The following RAPGEF2 variants were observed in gnomAD, a reference collection of about 807,000 sequenced individuals.
RAPGEF2 encodes PDZ domain containing guanine nucleotide exchange factor (GEF) 1.
Under a neutral mutation model 186.7 loss-of-function variants are expected in RAPGEF2, and 54 were observed. The observed-to-expected ratio is 0.29, with a 90% CI of 0.23 to 0.36. The LOEUF (loss-of-function observed/expected upper bound fraction) is 0.36. Among genes scored for constraint, RAPGEF2 ranks in the 10% least tolerant of loss-of-function variants. The pLI, the probability that RAPGEF2 is intolerant of heterozygous loss-of-function variation, is 1.00. For missense variants in RAPGEF2, 1,532 were observed against 2,045.0 expected (o/e 0.75, Z 4.84); for synonymous variants, 712 against 705.9 (o/e 1.01, Z -0.14).
intron 7 of RAPGEF2, among the ~76,000 whole-genome samples, chr4:159,286,030 A>AACCACCACCACCACCACC (rs35426817): frequency 2.7e-4 from 24 of 89,302 alleles, no homozygotes; most frequent in South Asian, 5.3e-4. Flanking sequence ...TGTTCCCCCC[A>AACCACCACCACCACCACC]ACCACCACCA....
At chr4:159,339,393 C>T in intron 19 of RAPGEF2, 39 bp downstream of exon 19, 1 of 1,584,690 alleles carries the variant, frequency 6.3e-7, no homozygotes, top group Non-Finnish European at 8.6e-7. Context: ...TTTGTCCCCT[C>T]TTCGAACCCA....
intron 7 of RAPGEF2, among the ~76,000 whole-genome samples, chr4:159,279,198 C>T (rs73859115): frequency 0.019 from 2,906 of 152,282 alleles, 111 homozygotes; most frequent in African/African-American, 0.066. Context: ...GCTGCCTCCA[C>T]ATACTAAAGA....
At chr4:159,248,451 A>G (rs1192434889) in intron 7 of RAPGEF2, among the ~76,000 whole-genome samples, 1 of 152,162 alleles carries the variant, frequency 6.6e-6, no homozygotes, top group African/African-American at 2.4e-5. Flanking sequence ...TTTCACGCCC[A>G]TTATCGGCAG....
intron 1 of RAPGEF2, among the ~76,000 whole-genome samples, chr4:159,159,744 A>G (rs1241380335): frequency 6.6e-6 from 1 of 152,216 alleles, no homozygotes; most frequent in Non-Finnish European, 1.5e-5. Context: ...TGACCTCTTC[A>G]TTAGAAATGT....
intron 3 of RAPGEF2, among the ~76,000 whole-genome samples, chr4:159,197,340 C>T (rs539403839): frequency 2.6e-5 from 4 of 152,182 alleles, no homozygotes; most frequent in African/African-American, 7.2e-5. Flanking sequence ...TGAAGTGAAA[C>T]GGAAATACTG....
intron 17 of RAPGEF2, among the ~76,000 whole-genome samples, chr4:159,337,157 T>C (rs1767545117): frequency 1.3e-5 from 2 of 152,246 alleles, no homozygotes; most frequent in Admixed American, 1.3e-4. Context: ...CTTAAATGTG[T>C]AGCTAGAAAT....
chr4:159,277,923 AGTTTAATTAGATCCCATTT>A (rs1216557092), intron 7 of RAPGEF2, among the ~76,000 whole-genome samples: 2 of 152,182 alleles, frequency 1.3e-5, no homozygotes, highest in Admixed American at 6.5e-5. Flanking sequence ...GAAGCTCGTT[AGTTTAATTAGATCCCATTT>A]GTTTAATTAG....
chr4:159,295,570 G>C (rs990850674), intron 7 of RAPGEF2, among the ~76,000 whole-genome samples: 1 of 152,066 alleles, frequency 6.6e-6, no homozygotes, highest in African/African-American at 2.4e-5. Context: ...CAGTTCGATT[G>C]TACCATTTGA....
At chr4:159,325,225 A>G (rs1390887104) in intron 11 of RAPGEF2, among the ~76,000 whole-genome samples, 1 of 152,194 alleles carries the variant, frequency 6.6e-6, no homozygotes, top group Non-Finnish European at 1.5e-5. Flanking sequence ...TAAATATGTA[A>G]TGCCAGAAAC....
intron 4 of RAPGEF2, among the ~76,000 whole-genome samples, chr4:159,222,189 G>C (rs1751610465): frequency 6.6e-6 from 1 of 152,066 alleles, no homozygotes; most frequent in Non-Finnish European, 1.5e-5. Flanking sequence ...AGAGAGAGAG[G>C]GTTCAATTGC....
At position 159,353,628 on chromosome 4, in the gene RAPGEF2, G is replaced by C; in HGVS notation, c.4233G>C (p.Thr1411=). The change falls in exon 28 of 30, where the codon ACG becomes ACC. Residue 1411 remains threonine, a synonymous_variant. Coordinates refer to ENST00000691494, the MANE Select transcript of RAPGEF2 (RefSeq NM_001394067.2). This position sits in a 1 kb window ranked among gnomAD's most constrained non-coding sequence, Gnocchi z 4.3. The part of the protein sequence containing the change: ...DAADSGRGSW[T]SCSSGSHDNI... ...CTGACAGTGGCCGTGGGAGCTGGACGTCATGCTCAAGTGGCTCCCATGATA... is the reference window on the plus strand; with the variant it reads ...CTGACAGTGGCCGTGGGAGCTGGACCTCATGCTCAAGTGGCTCCCATGATA... 2 of 1,596,442 alleles carry C rather than the reference G, an allele frequency of 1.3e-6. No individual in the cohort carries two copies. The highest frequency in any genetic ancestry group is 1.7e-6 in the Non-Finnish European group (2 of 1,172,788).
intron 4 of RAPGEF2, among the ~76,000 whole-genome samples, chr4:159,226,687 C>T (rs1206652709): frequency 4.6e-5 from 7 of 152,168 alleles, no homozygotes; most frequent in African/African-American, 7.2e-5. Context: ...ACAGATCATA[C>T]ACATTCTTCA....
chr4:159,166,670 C>G (rs1006556611), intron 1 of RAPGEF2, among the ~76,000 whole-genome samples: 4 of 152,020 alleles, frequency 2.6e-5, no homozygotes, highest in African/African-American at 9.7e-5. Context: ...GGGAGCAATA[C>G]AGTCTTTATT....
intron 2 of RAPGEF2, among the ~76,000 whole-genome samples, chr4:159,187,001 C>G (rs893857717): frequency 3.3e-5 from 5 of 152,036 alleles, no homozygotes; most frequent in Admixed American, 2.0e-4. Context: ...TGATATTACC[C>G]TATAGTGCTA....
Position 159,356,169 on chromosome 4 carries a change from A to G in RAPGEF2, c.4957+11A>G. 1 of 1,606,618 alleles carries G rather than the reference A, an allele frequency of 6.2e-7. No homozygotes were observed. Among genetic ancestry groups the G allele is most frequent in the Non-Finnish European group, 8.5e-7 (1 of 1,174,150 alleles). ...CCACCGAGGAGGATGGTATATGCAC[A>G]TAAATATTCCTAAAACCTCCAAGTT... On this transcript the variant is annotated intron_variant, in intron 29 of 29. Coordinates refer to ENST00000691494, the MANE Select transcript of RAPGEF2 (RefSeq NM_001394067.2).
chr4:159,132,964 CCTAA>C (rs776183502), intron 1 of RAPGEF2, among the ~76,000 whole-genome samples: 27 of 151,732 alleles, frequency 1.8e-4, no homozygotes, highest in African/African-American at 6.5e-4. Flanking sequence ...CCCACACCTG[CCTAA>C]CTCCCAGTTC....
chr4:159,243,337 AATTT>A (rs1042937043), intron 6 of RAPGEF2, among the ~76,000 whole-genome samples: 1 of 151,836 alleles, frequency 6.6e-6, no homozygotes, highest in Non-Finnish European at 1.5e-5. Flanking sequence ...ATAACATTAT[AATTT>A]ATTATTTATT....
In RAPGEF2 at chr4:159,164,397, A is replaced by G. The variant is rs147592621; in HGVS notation, c.70-22245A>G. Among the ~76,000 whole-genome samples the G allele has an allele frequency of 2.7e-3, 403 of 151,200 alleles. 1 individual carries two copies. Among genetic ancestry groups the G allele is most frequent in the African/African-American group, 9.1e-3 (376 of 41,182 alleles). ...ATAAGAACAAATTTGAATGAATGAG[A>G]GGAGTGAAAACGAAAATATCTGTAT... On this transcript the variant is annotated intron_variant, in intron 1 of 29. Coordinates refer to ENST00000691494, the MANE Select transcript of RAPGEF2 (RefSeq NM_001394067.2).
At chr4:159,155,840 T>G (rs1334154843) in intron 1 of RAPGEF2, among the ~76,000 whole-genome samples, 2 of 152,146 alleles carry the variant, frequency 1.3e-5, no homozygotes, top group Non-Finnish European at 2.9e-5. Context: ...GGTACTATTT[T>G]AATTACATCT....
Sources: allele counts gnomAD v4.1 joint callset (sites outside exome capture counted in the v4.1 genomes callset), GRCh38; gene constraint gnomAD v4.1.1; non-coding constraint Gnocchi (gnomAD v3.1); transcripts MANE v1.5; gene names NCBI Gene and HGNC (gene_info 2026-07-23, HGNC 2026-07-21).